PCDH15: variants seen among roughly 807,000 people sequenced by gnomAD.
The protein encoded by PCDH15 is protocadherin related 15, also known as protocadherin-15.
A neutral mutation model predicts 178.5 loss-of-function variants in PCDH15; 129 were observed. The ratio of observed to expected loss-of-function variants is 0.72; its 90% CI spans 0.63 to 0.84. PCDH15 has a LOEUF of 0.84. Among genes scored for constraint, PCDH15 ranks in the 40% least tolerant of loss-of-function variants. PCDH15 has a pLI of 0.00. For synonymous variants in PCDH15, 800 were observed against 732.0 expected (o/e 1.09, Z -1.50); for missense variants, 2,230 against 2,099.9 (o/e 1.06, Z -1.21).
intron 21 of PCDH15, among the ~76,000 whole-genome samples, chr10:53,971,969 C>A (rs575206739): frequency 2.0e-5 from 3 of 151,668 alleles, no homozygotes; most frequent in African/African-American, 7.3e-5. Flanking sequence ...AAAAAAGAGC[C>A]CACAGCCAAG....
At chr10:55,540,612 A>G (rs1374019497) in intron 2 of PCDH15, among the ~76,000 whole-genome samples, 4 of 152,116 alleles carry the variant, frequency 2.6e-5, no homozygotes, top group African/African-American at 9.6e-5. Flanking sequence ...CAAAAAAATT[A>G]AAGATGCTAC....
intron 15 of PCDH15, among the ~76,000 whole-genome samples, chr10:54,126,262 G>A (rs1370389347): frequency 6.6e-6 from 1 of 151,768 alleles, no homozygotes; most frequent in East Asian, 1.9e-4. Context: ...GTAGAGACAG[G>A]GATTCACCAT....
chr10:54,489,413 A>G (rs1478082258), intron 3 of PCDH15, among the ~76,000 whole-genome samples: 2 of 152,144 alleles, frequency 1.3e-5, no homozygotes, highest in East Asian at 3.8e-4. Flanking sequence ...CTTTTACTCT[A>G]TAAAAAAGAG....
intron 33 of PCDH15, among the ~76,000 whole-genome samples, chr10:53,819,792 T>A (rs2132458617): frequency 6.6e-6 from 1 of 151,992 alleles, no homozygotes; most frequent in East Asian, 1.9e-4. Flanking sequence ...TACTAAAAGG[T>A]CTCATATAGA....
intron 2 of PCDH15, among the ~76,000 whole-genome samples, chr10:55,352,221 T>A (rs1366755744): frequency 1.3e-5 from 2 of 152,150 alleles, no homozygotes; most frequent in African/African-American, 4.8e-5. Flanking sequence ...TGTTTATCAC[T>A]TTTTTTGCTA....
chr10:55,272,250 T>A (rs1176727103), intron 1 of PCDH15, among the ~76,000 whole-genome samples: 6 of 151,450 alleles, frequency 4.0e-5, no homozygotes, highest in African/African-American at 9.7e-5. Flanking sequence ...CAACTAAGAT[T>A]TTTTTTTAGA....
At chr10:54,455,731 C>A (rs1330895781) in intron 3 of PCDH15, among the ~76,000 whole-genome samples, 1 of 152,190 alleles carries the variant, frequency 6.6e-6, no homozygotes, top group Non-Finnish European at 1.5e-5. Flanking sequence ...TGTCAGAGAA[C>A]TTCACAATAG....
At chr10:55,611,953 G>A (rs946892522) in intron 2 of PCDH15, among the ~76,000 whole-genome samples, 8 of 152,092 alleles carry the variant, frequency 5.3e-5, no homozygotes, top group Non-Finnish European at 8.8e-5. Flanking sequence ...TCACTTACAC[G>A]TGAAAAGTAA....
chr10:54,274,703 C>A (rs944735913), intron 8 of PCDH15, among the ~76,000 whole-genome samples: 1 of 149,786 alleles, frequency 6.7e-6, no homozygotes. Flanking sequence ...GAATGACTGA[C>A]GTGTTCGTAT....
chr10:54,495,250 G>A lies in PCDH15; in HGVS notation c.157+32562C>T, dbSNP rs530207483. On this transcript the variant is annotated intron_variant, in intron 3 of 37. Transcript: ENST00000644397. ...ATGTTAATAACTCATCTGCAAAAGT[G>A]CAAATATATGTGGCTATATATAATG... is the stretch of plus-strand genomic sequence containing the variant. Among the ~76,000 whole-genome samples the A allele has an allele frequency of 3.3e-5, 5 of 152,068 alleles. No individual in the cohort carries two copies. In the South Asian group the frequency reaches 1.0e-3, roughly 31 times the overall value.
At chr10:53,971,585 C>G (rs540226038) in intron 21 of PCDH15, among the ~76,000 whole-genome samples, 5 of 152,154 alleles carry the variant, frequency 3.3e-5, no homozygotes, top group Non-Finnish European at 7.4e-5. Context: ...GCAACTTCAG[C>G]AAAGTCTCAG....
At chr10:54,810,982 G>A (rs189307693) in intron 3 of PCDH15, among the ~76,000 whole-genome samples, 1 of 152,130 alleles carries the variant, frequency 6.6e-6, no homozygotes. Context: ...AGGAGTAGAA[G>A]AGCAAAAAGT....
intron 9 of PCDH15, among the ~76,000 whole-genome samples, chr10:54,227,304 A>G (rs552655885): frequency 6.6e-6 from 1 of 152,218 alleles, no homozygotes; most frequent in African/African-American, 2.4e-5. Context: ...TCAATTCTTG[A>G]CTTCTGAGCA....
chr10:55,159,516 C>T (rs1299494836), intron 2 of PCDH15, among the ~76,000 whole-genome samples: 6 of 149,210 alleles, frequency 4.0e-5, no homozygotes, highest in African/African-American at 1.5e-4. Context: ...TACACACACA[C>T]AACTAGATTT....
At chr10:55,517,542 T>A (rs945496988) in intron 2 of PCDH15, among the ~76,000 whole-genome samples, 1 of 152,108 alleles carries the variant, frequency 6.6e-6, no homozygotes, top group African/African-American at 2.4e-5. Context: ...AAAAATAAGC[T>A]GGTAGAAGAA....
At chr10:54,514,790 A>C (rs529484918) in intron 3 of PCDH15, among the ~76,000 whole-genome samples, 314 of 152,332 alleles carry the variant, frequency 2.1e-3, no homozygotes, top group South Asian at 3.7e-3. Flanking sequence ...ACATTTACTT[A>C]GCAAAACTTT....
intron 2 of PCDH15, among the ~76,000 whole-genome samples, chr10:55,371,868 A>G (rs1167318143): frequency 6.6e-6 from 1 of 152,142 alleles, no homozygotes. Flanking sequence ...GTTACTAAGT[A>G]ATATGTTTTA....
intron 2 of PCDH15, among the ~76,000 whole-genome samples, chr10:54,960,738 G>T (rs1838624105): frequency 6.6e-6 from 1 of 152,136 alleles, no homozygotes; most frequent in South Asian, 2.1e-4. Context: ...ATGACTGAAT[G>T]CTTTTTTATA....
At chr10:54,969,662 C>T (rs1341266970) in intron 2 of PCDH15, among the ~76,000 whole-genome samples, 3 of 152,126 alleles carry the variant, frequency 2.0e-5, no homozygotes, top group Admixed American at 2.0e-4. Context: ...CTTTTGCCTC[C>T]TAAACTCAGA....
Sources: allele counts gnomAD v4.1 joint callset (sites outside exome capture counted in the v4.1 genomes callset), GRCh38; gene constraint gnomAD v4.1.1; transcripts MANE v1.5; gene names NCBI Gene and HGNC (gene_info 2026-07-23, HGNC 2026-07-21).